The following AUTS2 variants were observed in gnomAD, a reference collection of about 807,000 sequenced individuals.
AUTS2 encodes the protein autism susceptibility gene 2 protein.
A neutral mutation model predicts 112.4 loss-of-function variants in AUTS2; 17 were observed. The ratio of observed to expected loss-of-function variants is 0.15; its 90% confidence interval spans 0.10 to 0.23. AUTS2 has a LOEUF of 0.23. AUTS2 is among the 10% of genes least tolerant of loss of function. The pLI, the probability that AUTS2 is intolerant of heterozygous loss-of-function variation, is 1.00. For missense variants in AUTS2, 1,510 were observed against 1,701.6 expected (o/e 0.89, Z 1.98); for synonymous variants, 751 against 702.7 (o/e 1.07, Z -1.09).
At chr7:70,548,698 T>C (rs2129517561) in intron 5 of AUTS2, among the ~76,000 whole-genome samples, 1 of 152,326 alleles carries the variant, frequency 6.6e-6, no homozygotes, top group East Asian at 1.9e-4. Flanking sequence ...TTGTCAAAAA[T>C]CATAGACAAT....
chr7:69,605,977 G>T (rs143177195), intron 1 of AUTS2, among the ~76,000 whole-genome samples: 33 of 152,324 alleles, frequency 2.2e-4, no homozygotes, highest in African/African-American at 7.9e-4. Context: ...TATGTGAGAT[G>T]TGGTTGAACG....
chr7:70,638,265 G>A (rs909789470), intron 5 of AUTS2, among the ~76,000 whole-genome samples: 3 of 152,002 alleles, frequency 2.0e-5, no homozygotes, highest in African/African-American at 4.8e-5. Flanking sequence ...GGTTTTGGAC[G>A]AGTCCCGCCA....
At position 69,708,171 on chromosome 7, in the gene AUTS2, C is replaced by G. The variant is rs116921537; in HGVS notation, c.309+108209C>G. 2.1e-3 allele frequency among the ~76,000 whole-genome samples: 323 copies of G among 152,258 alleles called. 9 individuals are homozygous for G. The East Asian group carries it at 0.056, about 26-fold the overall frequency. On this transcript the variant is annotated intron_variant, in intron 1 of 18. Coordinates refer to ENST00000342771, the MANE Select transcript of AUTS2 (RefSeq NM_015570.4). ...TCAGAGAGGACACTGTGGTGTTTAG[C>G]TTACCAAGCCCAGTGTGATATCACT...
At chr7:70,250,102 C>T (rs1470789036) in intron 4 of AUTS2, among the ~76,000 whole-genome samples, 3 of 151,956 alleles carry the variant, frequency 2.0e-5, no homozygotes. Context: ...CCATTCCCTT[C>T]AAAGCAAGAC....
intron 1 of AUTS2, among the ~76,000 whole-genome samples, chr7:69,806,966 T>C (rs1790336574): frequency 6.6e-6 from 1 of 151,136 alleles, no homozygotes; most frequent in East Asian, 1.9e-4. Context: ...ATTTAAAATC[T>C]GAGTGTAAAT....
chr7:69,947,041 A>G (rs1796842031), intron 2 of AUTS2, among the ~76,000 whole-genome samples: 1 of 152,150 alleles, frequency 6.6e-6, no homozygotes, highest in Non-Finnish European at 1.5e-5. Context: ...AGCAGCCAGA[A>G]GTGTTTGAGT....
intron 2 of AUTS2, among the ~76,000 whole-genome samples, chr7:69,905,554 C>T (rs1380212997): frequency 6.6e-6 from 1 of 152,014 alleles, no homozygotes; most frequent in Non-Finnish European, 1.5e-5. Context: ...AAATTATATC[C>T]CAGCTCTAGG....
chr7:69,837,076 A>G (rs1791760514), intron 1 of AUTS2, among the ~76,000 whole-genome samples: 1 of 152,132 alleles, frequency 6.6e-6, no homozygotes, highest in Non-Finnish European at 1.5e-5. Context: ...AAATAGCGAC[A>G]AATCAGGGTT....
intron 1 of AUTS2, among the ~76,000 whole-genome samples, chr7:69,886,452 G>A (rs934021802): frequency 2.3e-4 from 35 of 152,156 alleles, no homozygotes; most frequent in African/African-American, 8.0e-4. Flanking sequence ...CACACTTCCT[G>A]ATATGCTGTG....
intron 1 of AUTS2, among the ~76,000 whole-genome samples, chr7:69,637,953 GA>G (rs752234145): frequency 6.6e-6 from 1 of 152,198 alleles, no homozygotes; most frequent in Non-Finnish European, 1.5e-5. Context: ...GAATAGAATA[GA>G]TACACAGGAG....
intron 2 of AUTS2, among the ~76,000 whole-genome samples, chr7:69,977,898 C>T (rs920993326): frequency 6.6e-5 from 10 of 152,068 alleles, no homozygotes; most frequent in East Asian, 1.9e-4. Context: ...TAAGCCAGTA[C>T]GTCATCTTCT....
At chr7:70,500,172 C>CA (rs140217403) in intron 5 of AUTS2, among the ~76,000 whole-genome samples, 2,994 of 106,600 alleles carry the variant, frequency 0.028, 41 homozygotes, top group Middle Eastern at 0.066. Context: ...TGGTGGTCTT[C>CA]AAAAAAAAAA....
chr7:70,552,379 A>C lies in AUTS2; in HGVS notation c.690+116598A>C, dbSNP rs369010178. Among the ~76,000 whole-genome samples the C allele has an allele frequency of 6.6e-5, 10 of 152,334 alleles. No individual in the cohort carries two copies. In the East Asian group the frequency reaches 1.7e-3, roughly 26 times the overall value. On this transcript the variant is annotated intron_variant, in intron 5 of 18. Coordinates refer to ENST00000342771, the MANE Select transcript of AUTS2 (RefSeq NM_015570.4). ...CTTCTTCCTGTTAGCGGATTATACC[A>C]TATGTCTCTCCCTGTAACAAAATCA...
chr7:70,785,967 G>C lies in AUTS2; in HGVS notation c.2237G>C (p.Arg746Pro), dbSNP rs774705600. 6.2e-7 allele frequency: 1 copy of C among 1,613,874 alleles called. No individual in the cohort carries two copies. The highest frequency in any genetic ancestry group is 8.5e-7 in the Non-Finnish European group (1 of 1,179,950). Residue 746 changes from arginine (R) to proline (P), a missense_variant, in exon 17 of 19, where the codon CGG becomes CCG. Coordinates refer to ENST00000342771, the MANE Select transcript of AUTS2 (RefSeq NM_015570.4). ...NPAAHLEPFN[R>P]PSTFTGLAAV... is the part of the protein sequence containing the mutation. The stretch of plus-strand genomic sequence containing the variant: ...ATCTTGTTTGCAGAGCCTTTTAATC[G>C]GCCGTCTACATTCACAGGCCTAGCA...
intron 4 of AUTS2, 68 bp downstream of exon 4, chr7:70,134,639 C>T (rs112044225): frequency 1.8e-5 from 25 of 1,391,784 alleles, no homozygotes; most frequent in East Asian, 2.3e-5. Context: ...AATGAATGCT[C>T]ATTGGGATAT....
intron 5 of AUTS2, among the ~76,000 whole-genome samples, chr7:70,640,849 T>G (rs867831476): frequency 1.3e-5 from 2 of 152,196 alleles, no homozygotes; most frequent in South Asian, 4.1e-4. Context: ...AGCTTTCCGT[T>G]GCTAGAGCCC....
intron 1 of AUTS2, among the ~76,000 whole-genome samples, chr7:69,630,958 A>G (rs1488064421): frequency 1.3e-5 from 2 of 151,472 alleles, no homozygotes; most frequent in Non-Finnish European, 2.9e-5. Flanking sequence ...CCGAATATCC[A>G]TTTGTTCTTA....
At chr7:69,893,033 TTACTA>T (rs1468287975) in intron 1 of AUTS2, among the ~76,000 whole-genome samples, 7 of 152,220 alleles carry the variant, frequency 4.6e-5, no homozygotes, top group African/African-American at 1.7e-4. Flanking sequence ...CTAACCTACT[TTACTA>T]TAATAGTTCA....
At position 69,973,895 on chromosome 7, in the gene AUTS2, C is replaced by G. The variant is rs115631636; in HGVS notation, c.522+74397C>G. ...ACGAGAAATACTGGTCTGTAATTTTCTTTTTGTAATGGTTTTATTATGAGG... is the reference window on the plus strand; with the variant it reads ...ACGAGAAATACTGGTCTGTAATTTTGTTTTTGTAATGGTTTTATTATGAGG... On this transcript the variant is annotated intron_variant, in intron 2 of 18. Transcript: ENST00000342771. Among the ~76,000 whole-genome samples the G allele has an allele frequency of 1.2e-3, 180 of 151,928 alleles. 2 individuals are homozygous for G. Among genetic ancestry groups the G allele is most frequent in the African/African-American group, 4.1e-3 (170 of 41,462 alleles).
Sources: gnomAD v4.1 joint callset for allele counts (sites outside exome capture counted in the v4.1 genomes callset) on GRCh38, gnomAD v4.1.1 for gene constraint, MANE v1.5 for transcripts, NCBI Gene and HGNC (gene_info 2026-07-23, HGNC 2026-07-21) for gene names.